The following ADGRD1 variants were observed in gnomAD, a reference collection of about 807,000 sequenced individuals.
The protein encoded by ADGRD1 is G-protein coupled receptor 133.
ADGRD1 carries 77 observed loss-of-function variants against 113.4 expected under a neutral mutation model. The observed-to-expected ratio is 0.68, with a 90% confidence interval of 0.57 to 0.82. The LOEUF (loss-of-function observed/expected upper bound fraction) is 0.82. Among genes scored for constraint, ADGRD1 ranks in the 40% least tolerant of loss-of-function variants. ADGRD1 has a pLI of 0.00. For missense variants in ADGRD1, 1,036 were observed against 1,139.1 expected (o/e 0.91, Z 1.30); for synonymous variants, 474 against 475.0 (o/e 1.00, Z 0.03).
intron 5 of ADGRD1, among the ~76,000 whole-genome samples, chr12:130,985,700 T>G (rs1294504130): frequency 2.0e-5 from 3 of 152,012 alleles, no homozygotes; most frequent in African/African-American, 4.8e-5. Context: ...TACAGACACC[T>G]GCCACCACGC....
chr12:131,003,391 A>G lies in ADGRD1; in HGVS notation c.1144+89A>G. Reference sequence around the variant, plus strand: ...GCCTGTCTTTTTACACCCTTAGCAGAGAGCCATGCTCTGTCTCCCTGACTG... The same window carrying G: ...GCCTGTCTTTTTACACCCTTAGCAGGGAGCCATGCTCTGTCTCCCTGACTG... On this transcript the variant is annotated intron_variant, in intron 10 of 24. Transcript: ENST00000261654. This position sits in a 1 kb window ranked among gnomAD's most constrained non-coding sequence, Gnocchi z 4.8. 1.1e-6 allele frequency: 1 copy of G among 917,186 alleles called. No individual in the cohort carries two copies. Among genetic ancestry groups the G allele is most frequent in the African/African-American group, 1.6e-5 (1 of 62,042 alleles). The allele number at this position is 917,186 out of a possible 1,614,324, so 56.8% of individuals were successfully genotyped here. A position where few individuals can be genotyped will look rare whatever the true frequency, so the allele number is the denominator to read the frequency against.
intron 12 of ADGRD1, among the ~76,000 whole-genome samples, chr12:131,011,103 G>GT (rs1877814531): frequency 4.2e-5 from 2 of 47,094 alleles, no homozygotes; most frequent in African/African-American, 9.0e-5. Context: ...CCTCACCCCT[G>GT]CCCCACCCTG....
At chr12:130,963,356 A>T (rs1270226757) in intron 2 of ADGRD1, among the ~76,000 whole-genome samples, 1 of 150,318 alleles carries the variant, frequency 6.7e-6, no homozygotes, top group East Asian at 1.9e-4. Flanking sequence ...AGAAAAATTC[A>T]AATTCAAATA....
At chr12:131,019,685 A>T (rs895095468) in intron 13 of ADGRD1, among the ~76,000 whole-genome samples, 1 of 152,182 alleles carries the variant, frequency 6.6e-6, no homozygotes, top group Non-Finnish European at 1.5e-5. Flanking sequence ...GCTCCACCTG[A>T]ATGTCAGTCA....
chr12:131,103,582 CA>C (rs1457340872), intron 15 of ADGRD1, among the ~76,000 whole-genome samples: 2 of 151,938 alleles, frequency 1.3e-5, no homozygotes, highest in African/African-American at 4.8e-5. Flanking sequence ...CTACCTGCCT[CA>C]CCCTGAGCTG....
intron 15 of ADGRD1, among the ~76,000 whole-genome samples, chr12:131,090,967 AT>A (rs1886867672): frequency 6.6e-6 from 1 of 152,206 alleles, no homozygotes; most frequent in Non-Finnish European, 1.5e-5. Flanking sequence ...ACATGGCGTC[AT>A]CTCTGGGTGC....
chr12:131,028,448 G>C (rs1880235041), intron 13 of ADGRD1, among the ~76,000 whole-genome samples: 1 of 152,146 alleles, frequency 6.6e-6, no homozygotes, highest in Admixed American at 6.5e-5. Context: ...TTCAACGTCA[G>C]TGCAGTCCGG....
At chr12:131,091,615 G>C (rs977827468) in intron 15 of ADGRD1, among the ~76,000 whole-genome samples, 1 of 152,212 alleles carries the variant, frequency 6.6e-6, no homozygotes, top group Non-Finnish European at 1.5e-5. Flanking sequence ...GTGTGTTTCT[G>C]TATATGTGTT....
intron 13 of ADGRD1, among the ~76,000 whole-genome samples, chr12:131,019,685 A>C (rs895095468): frequency 1.7e-4 from 26 of 152,182 alleles, no homozygotes; most frequent in African/African-American, 4.8e-5. Flanking sequence ...GCTCCACCTG[A>C]ATGTCAGTCA....
chr12:131,082,820 C>T (rs986442921), intron 14 of ADGRD1, among the ~76,000 whole-genome samples: 1 of 152,168 alleles, frequency 6.6e-6, no homozygotes, highest in Non-Finnish European at 1.5e-5. Flanking sequence ...TCGCTTTGTC[C>T]TCTGCTCTCT....
intron 8 of ADGRD1, among the ~76,000 whole-genome samples, chr12:130,996,621 C>G (rs1194418025): frequency 6.3e-4 from 64 of 101,084 alleles, no homozygotes; most frequent in African/African-American, 7.3e-4. Flanking sequence ...AGAGGCGCCC[C>G]TCACCTCCCG....
Position 131,030,283 on chromosome 12 carries a change from G to T in ADGRD1, c.1473+15943G>T, listed in dbSNP as rs374216037. On this transcript the variant is annotated intron_variant, in intron 13 of 24. Coordinates refer to ENST00000261654, the MANE Select transcript of ADGRD1 (RefSeq NM_198827.5). Reference sequence around the variant, plus strand: ...GTAGGTGACATTCCCAGGCTCTGGGGTTAGGTTGTGGACCCCTCTGGTGGA... The same window carrying T: ...GTAGGTGACATTCCCAGGCTCTGGGTTTAGGTTGTGGACCCCTCTGGTGGA... 2.4e-4 allele frequency among the ~76,000 whole-genome samples: 36 copies of T among 152,164 alleles called. No homozygotes were observed. In the East Asian group the frequency reaches 5.0e-3, roughly 21 times the overall value.
At chr12:130,973,392 C>T (rs1871920770) in intron 4 of ADGRD1, 1 of 152,254 alleles carries the variant, frequency 6.6e-6, no homozygotes, top group South Asian at 2.1e-4. Context: ...AGAACTATTA[C>T]AGCATGTTCC....
chr12:131,136,499 G>T (rs1392114900), intron 22 of ADGRD1, among the ~76,000 whole-genome samples: 7 of 152,240 alleles, frequency 4.6e-5, no homozygotes, highest in African/African-American at 1.7e-4. Flanking sequence ...GCTGCCCTCT[G>T]TGTGAAGGGC....
chr12:131,001,701 G>A (rs938943184), intron 9 of ADGRD1, among the ~76,000 whole-genome samples: 36 of 152,136 alleles, frequency 2.4e-4, no homozygotes, highest in African/African-American at 7.5e-4. Context: ...CAGGGATCCT[G>A]GCTCCATCTG....
intron 22 of ADGRD1, 29 bp downstream of exon 22, chr12:131,136,192 C>G (rs368678019): frequency 1.2e-6 from 2 of 1,610,636 alleles, no homozygotes; most frequent in African/African-American, 1.3e-5. Context: ...GGCGGGGAGG[C>G]AGGGCCGCCA....
chr12:131,064,310 C>T (rs138187657), intron 13 of ADGRD1, among the ~76,000 whole-genome samples: 23 of 152,208 alleles, frequency 1.5e-4, no homozygotes, highest in Non-Finnish European at 2.4e-4. Flanking sequence ...TATAGGTGTC[C>T]GTTATTTGAG....
intron 6 of ADGRD1, 75 bp from the exon 7 acceptor site, chr12:130,990,939 T>G (rs1453303717): frequency 1.7e-6 from 2 of 1,161,436 alleles, no homozygotes; most frequent in African/African-American, 3.0e-5. Flanking sequence ...AGTACATTTT[T>G]AACAAGGACA....
chr12:130,966,702 G>A lies in ADGRD1; in HGVS notation c.187+156G>A. 4.8e-6 allele frequency: 3 copies of A among 627,378 alleles called. No homozygotes were observed. The highest frequency in any genetic ancestry group is 8.6e-6 in the Non-Finnish European group (3 of 346,976). The allele number at this position is 627,378 out of a possible 1,614,324, so 38.9% of individuals were successfully genotyped here. On this transcript the variant is annotated intron_variant, in intron 3 of 24. Coordinates refer to ENST00000261654, the MANE Select transcript of ADGRD1 (RefSeq NM_198827.5). This position sits in a 1 kb window ranked among gnomAD's most constrained non-coding sequence, Gnocchi z 4.6. ...GGGCCGGGGAATCCCAGGGCCATCG[G>A]GGAGCAGATGTGGACACAATCTGCT...
Sources: allele counts gnomAD v4.1 joint callset (sites outside exome capture counted in the v4.1 genomes callset), GRCh38; gene constraint gnomAD v4.1.1; non-coding constraint Gnocchi (gnomAD v3.1); transcripts MANE v1.5; gene names NCBI Gene and HGNC (gene_info 2026-07-23, HGNC 2026-07-21).